The following FAT1 variants were observed in gnomAD, a reference collection of about 807,000 sequenced individuals.
FAT1 encodes FAT atypical cadherin 1, also known as protocadherin Fat 1.
FAT1 carries 171 observed loss-of-function variants against 329.8 expected under a neutral mutation model. That is an observed-to-expected ratio of 0.52 (90% CI 0.46 to 0.59). The LOEUF (loss-of-function observed/expected upper bound fraction) is 0.59. FAT1 is among the 20% of genes least tolerant of loss of function. The pLI is 0.00. For synonymous variants in FAT1, 2,233 were observed against 2,228.6 expected (o/e 1.00, Z -0.06); for missense variants, 5,672 against 5,774.4 (o/e 0.98, Z 0.57).
rs1253141344 is a variant in FAT1 at position 186,708,519 on chromosome 4, C to G, written c.1309G>C (p.Glu437Gln). 6.8e-6 allele frequency: 11 copies of G among 1,613,828 alleles called. No homozygotes were observed. The highest frequency in any genetic ancestry group is 9.3e-6 in the Non-Finnish European group (11 of 1,179,896). ...GCTTTTCTGTCACTTGTTGTTACTTCAAGTTCAAAATGGGCTGCCTGCTGT... is the reference window on the plus strand; with the variant it reads ...GCTTTTCTGTCACTTGTTGTTACTTGAAGTTCAAAATGGGCTGCCTGCTGT... ...KRQQAAHFEL[E>Q]VTTSDRKAST... The change falls in exon 2 of 27, where the codon GAA becomes CAA. Residue 437 changes from glutamate (E) to glutamine (Q), a missense_variant. Glu to Gln is a conservative substitution (Grantham distance 29, BLOSUM62 2). Transcript: ENST00000441802.
intron 1 of FAT1, among the ~76,000 whole-genome samples, chr4:186,721,567 TC>T (rs1372817156): frequency 6.6e-6 from 1 of 152,236 alleles, no homozygotes; most frequent in East Asian, 1.9e-4. Context: ...TTAAATCAGG[TC>T]CTTTAGGCTA....
At position 186,603,504 on chromosome 4, in the gene FAT1, C is replaced by G. The variant is rs73030811; in HGVS notation, c.11022G>C (p.Arg3674Ser). The G allele has an allele frequency of 5.1e-5, 82 of 1,613,968 alleles. No individual in the cohort carries two copies. In the African/African-American group the frequency reaches 1.0e-3, roughly 20 times the overall value. ...QRALRNILGV[R>S]RNDIQIVSLQ... ...AACTAACAATCTGTATGTCGTTCCT[C>G]CTCACACCCAGGATGTTCCGTAAAG... is the stretch of plus-strand genomic sequence containing the variant. Residue 3674 changes from arginine to serine, a missense_variant, in exon 19 of 27, where the codon AGG becomes AGC. Arg to Ser is a moderately radical substitution (Grantham distance 110). Coordinates refer to ENST00000441802, the MANE Select transcript of FAT1 (RefSeq NM_005245.4).
chr4:186,620,961 G>C lies in FAT1; in HGVS notation c.5625C>G (p.Cys1875Trp), dbSNP rs767630301. The C allele has an allele frequency of 8.7e-6, 14 of 1,613,592 alleles. No homozygotes were observed. The Admixed American group carries it at 1.2e-4, about 13-fold the overall frequency. The change falls in exon 10 of 27, where the codon TGC becomes TGG. Residue 1875 changes from cysteine (C) to tryptophan (W), a missense_variant. Coordinates refer to ENST00000441802, the MANE Select transcript of FAT1 (RefSeq NM_005245.4). ...VTVHVIDIND[C>W]PPVFAKPLYE... Reference sequence around the variant, plus strand: ...ATAATGGCTTGGCAAACACAGGGGGGCAGTCATTAATGTCAATTACATGTA... The same window carrying C: ...ATAATGGCTTGGCAAACACAGGGGGCCAGTCATTAATGTCAATTACATGTA...
In FAT1 at chr4:186,613,236, C is replaced by T. The variant is rs369010028; in HGVS notation, c.9336G>A (p.Val3112=). The T allele has an allele frequency of 3.7e-6, 6 of 1,613,866 alleles. No individual in the cohort carries two copies. The highest frequency in any genetic ancestry group is 4.2e-6 in the Non-Finnish European group (5 of 1,179,784). The change falls in exon 13 of 27, where the codon GTG becomes GTA. Residue 3112 remains valine (V), a synonymous_variant. Transcript: ENST00000441802. ...GGGRFCQASI[V]LTLEDVNDNA... is the part of the protein sequence containing the mutation. Reference sequence around the variant, plus strand: ...TATCGTTCACATCTTCTAGCGTGAGCACAATACTGGCTTGGCAGAATCTTC... The same window carrying T: ...TATCGTTCACATCTTCTAGCGTGAGTACAATACTGGCTTGGCAGAATCTTC...
rs1744838539 is a variant in FAT1 at position 186,709,450 on chromosome 4, AT to A, written c.377del (p.Asn126IlefsTer20). The stretch of plus-strand genomic sequence containing the variant: ...CCTTTGTTCGCGCCTCCACATTAGT[AT>A]TTTTTTCAAGTGCTTTCACTATCAA... ...YTLIVKALEKNTNVEARTKVR... is the reference protein window; with the variant it reads ...YTLIVKALEKXTNVEARTKVR... On this transcript the variant is annotated frameshift_variant, in exon 2 of 27. Coordinates refer to ENST00000441802, the MANE Select transcript of FAT1 (RefSeq NM_005245.4). LOFTEE classifies it high-confidence loss of function. 6.2e-7 allele frequency: 1 copy of A among 1,613,794 alleles called. No homozygotes were observed. The highest frequency in any genetic ancestry group is 8.5e-7 in the Non-Finnish European group (1 of 1,179,874).
intron 1 of FAT1, among the ~76,000 whole-genome samples, chr4:186,717,167 C>T (rs926800489): frequency 2.8e-5 from 4 of 145,058 alleles, no homozygotes; most frequent in African/African-American, 5.8e-5. Flanking sequence ...AAAAAAAACT[C>T]TCTATTTTTC....
chr4:186,724,788 A>G (rs1422391035), upstream of FAT1, among the ~76,000 whole-genome samples: 2 of 152,222 alleles, frequency 1.3e-5, no homozygotes. This position sits in a 1 kb window ranked among gnomAD's most constrained non-coding sequence, Gnocchi z 5.3. Context: ...AGCCCGGACA[A>G]GAGGGCGGAC....
rs1168958049 is a variant in FAT1, at chr4:186,707,543, T to A, written c.2285A>T (p.Asp762Val). ...LVYAVSGGNE[D>V]SCFMIDMETG... ...TTCCATATCAATCATGAAGCAACTA[T>A]CCTCATTTCCTCCAGAAACAGCATA... Residue 762 changes from aspartate (D) to valine (V), a missense_variant, in exon 2 of 27, where the codon GAT (aspartate) becomes GTT (valine). Around this residue, in one of 2 missense-constraint regions of FAT1, gnomAD observed 3,966 missense variants for 3,915.2 expected, o/e 1.01. Coordinates refer to ENST00000441802, the MANE Select transcript of FAT1 (RefSeq NM_005245.4). 1 of 1,613,982 alleles carries A rather than the reference T, an allele frequency of 6.2e-7. No homozygotes were observed. Among genetic ancestry groups the A allele is most frequent in the African/African-American group, 1.3e-5 (1 of 75,040 alleles).
chr4:186,639,494 C>A (rs1254695603), intron 4 of FAT1, among the ~76,000 whole-genome samples: 2 of 152,136 alleles, frequency 1.3e-5, no homozygotes, highest in Non-Finnish European at 2.9e-5. Context: ...TGAATCCGGC[C>A]CATGACAGTG....
At chr4:186,648,586 C>T (rs1397689314) in intron 3 of FAT1, among the ~76,000 whole-genome samples, 1 of 152,022 alleles carries the variant, frequency 6.6e-6, no homozygotes, top group Non-Finnish European at 1.5e-5. Context: ...ATGCTCTAGC[C>T]CAAATCCTGT....
chr4:186,592,300 A>G (rs1024808036), intron 26 of FAT1, among the ~76,000 whole-genome samples: 8 of 152,238 alleles, frequency 5.3e-5, no homozygotes, highest in African/African-American at 1.7e-4. Context: ...TCAGGGAAAA[A>G]CCAAAAGTGA....
chr4:186,628,063 A>T (rs1036118660), intron 9 of FAT1, 91 bp downstream of exon 9: 16 of 1,362,646 alleles, frequency 1.2e-5, no homozygotes, highest in Non-Finnish European at 1.5e-5. Flanking sequence ...ATACATAGAA[A>T]TGCTTCAATA....
Position 186,619,230 on chromosome 4 carries a change from C to T in FAT1, c.7356G>A (p.Leu2452=), listed in dbSNP as rs1446790042. ...AAAATGGCTTCAGGGCGTGCCGGTG[C>T]AGGTTTGAGAGGGTGATAATCCCTG... is the stretch of plus-strand genomic sequence containing the variant. ...SATGIITLSN[L]HRHALKPFYS... The change falls in exon 10 of 27, where the codon CTG becomes CTA. Residue 2452 remains leucine (L), a synonymous_variant. Coordinates refer to ENST00000441802, the MANE Select transcript of FAT1 (RefSeq NM_005245.4). 1 of 1,613,842 alleles carries T rather than the reference C, an allele frequency of 6.2e-7. No homozygotes were observed. The highest frequency in any genetic ancestry group is 8.5e-7 in the Non-Finnish European group (1 of 1,179,904).
At position 186,630,505 on chromosome 4, in the gene FAT1, C is replaced by T. The variant is rs1431265712; in HGVS notation, c.4324-1742G>A. On this transcript the variant is annotated intron_variant, in intron 7 of 26. Coordinates refer to ENST00000441802, the MANE Select transcript of FAT1 (RefSeq NM_005245.4). ...CAGCTCCTTTTGGTCAGAAGAAACT[C>T]GCTTCCAACATGAGTGGCAGGGATG... 2.0e-5 allele frequency among the ~76,000 whole-genome samples: 3 copies of T among 152,088 alleles called. No individual in the cohort carries two copies. The East Asian group carries it at 5.8e-4, about 29-fold the overall frequency.
chr4:186,716,446 G>A (rs1443473298), intron 1 of FAT1, among the ~76,000 whole-genome samples: 1 of 151,914 alleles, frequency 6.6e-6, no homozygotes, highest in Non-Finnish European at 1.5e-5. Flanking sequence ...TTCTTCCCCC[G>A]AGACAGGGTC....
At chr4:186,636,275 A>T in intron 5 of FAT1, 40 bp from the exon 6 acceptor site, 1 of 1,573,054 alleles carries the variant, frequency 6.4e-7, no homozygotes, top group South Asian at 1.1e-5. Flanking sequence ...ACAGCAAATC[A>T]GGAGTTACAA....
intron 3 of FAT1, among the ~76,000 whole-genome samples, chr4:186,644,146 TCTCC>T (rs965264789): frequency 5.3e-5 from 8 of 152,158 alleles, no homozygotes; most frequent in African/African-American, 1.9e-4. Flanking sequence ...AGCGTTTTTT[TCTCC>T]CTATCACACC....
In FAT1 at chr4:186,595,705, T is replaced by C; in HGVS notation, c.13122A>G (p.Glu4374=). The change falls in exon 26 of 27, where the codon GAA becomes GAG. Residue 4374 remains glutamate (E), a synonymous_variant. Coordinates refer to ENST00000441802, the MANE Select transcript of FAT1 (RefSeq NM_005245.4). The part of the protein sequence containing the change: ...EVQSLSSFQS[E]SCDDNGYHWD... ...CTGCCTCACCATTGTCATCGCACGATTCGGACTGGAAGGAGCTCAGAGACT... is the reference window on the plus strand; with the variant it reads ...CTGCCTCACCATTGTCATCGCACGACTCGGACTGGAAGGAGCTCAGAGACT... The C allele has an allele frequency of 6.2e-7, 1 of 1,613,922 alleles. No individual in the cohort carries two copies. Among genetic ancestry groups the C allele is most frequent in the Non-Finnish European group, 8.5e-7 (1 of 1,179,862 alleles).
In FAT1 at chr4:186,601,391, C is replaced by G. The variant is rs767796174; in HGVS notation, c.11518G>C (p.Val3840Leu). The G allele has an allele frequency of 1.2e-6, 2 of 1,613,172 alleles. No individual in the cohort carries two copies. Among genetic ancestry groups the G allele is most frequent in the African/African-American group, 2.7e-5 (2 of 75,002 alleles). Residue 3840 changes from valine (V) to leucine (L), a missense_variant, in exon 21 of 27, where the codon GTG (valine) becomes CTG (leucine). Val to Leu is a conservative substitution (Grantham distance 32). Around this residue, in one of 2 missense-constraint regions of FAT1, gnomAD observed 1,706 missense variants for 1,859.1 expected, o/e 0.92. Transcript: ENST00000441802. ...SSMTLTGNSY[V>L]KYRLTENENK... ...TCATTTTCCGTCAGACGGTATTTCA[C>G]GTAGCTGTTTCCAGTCAGTGTCATA... is the stretch of plus-strand genomic sequence containing the variant.
Sources: allele counts gnomAD v4.1 joint callset (sites outside exome capture counted in the v4.1 genomes callset), GRCh38; gene constraint gnomAD v4.1.1; regional missense constraint gnomAD v4.1.1; non-coding constraint Gnocchi (gnomAD v3.1); transcripts MANE v1.5; gene names NCBI Gene and HGNC (gene_info 2026-07-23, HGNC 2026-07-21).